Variants in SIPA1L1 observed in about 807,000 individuals in gnomAD.
SIPA1L1 encodes the protein signal-induced proliferation-associated 1-like protein 1.
Under a neutral mutation model 162.7 loss-of-function variants are expected in SIPA1L1, and 26 were observed. That is an observed-to-expected ratio of 0.16 (90% CI 0.12 to 0.22). The LOEUF (loss-of-function observed/expected upper bound fraction) is 0.22, where lower values mean the gene tolerates loss of function less well. Ranked by LOEUF, SIPA1L1 falls within the 10% of genes least tolerant of loss-of-function variation. SIPA1L1 has a pLI of 1.00. For synonymous variants in SIPA1L1, 829 were observed against 837.4 expected (o/e 0.99, Z 0.17); for missense variants, 1,874 against 2,241.0 (o/e 0.84, Z 3.31).
At chr14:71,357,599 T>A (rs566308267) in intron 2 of SIPA1L1, among the ~76,000 whole-genome samples, 49 of 152,180 alleles carry the variant, frequency 3.2e-4, no homozygotes, top group African/African-American at 1.2e-3. Flanking sequence ...TCTCACTCTG[T>A]CACCCAGGCT....
At chr14:71,483,753 C>T (rs147765657) in intron 2 of SIPA1L1, among the ~76,000 whole-genome samples, 157 of 152,312 alleles carry the variant, frequency 1.0e-3, no homozygotes, top group African/African-American at 3.5e-3. Flanking sequence ...CTCCTCACAG[C>T]TCACTGGAGA....
chr14:71,427,738 A>G (rs904625765), intron 2 of SIPA1L1, among the ~76,000 whole-genome samples: 3 of 151,780 alleles, frequency 2.0e-5, no homozygotes, highest in Non-Finnish European at 4.4e-5. Flanking sequence ...GTGCATTTCA[A>G]CTTCAAAAAT....
At chr14:71,453,889 T>G (rs181377162) in intron 2 of SIPA1L1, among the ~76,000 whole-genome samples, 278 of 147,074 alleles carry the variant, frequency 1.9e-3, no homozygotes, top group Non-Finnish European at 2.5e-3. Context: ...ATCTACTCGG[T>G]AGGCTGAGGC....
At chr14:71,325,662 G>T (rs537492836) in intron 2 of SIPA1L1, among the ~76,000 whole-genome samples, 1 of 152,318 alleles carries the variant, frequency 6.6e-6, no homozygotes, top group East Asian at 1.9e-4. Context: ...GACATGGAGG[G>T]ATGTCAGGAG....
intron 17 of SIPA1L1, among the ~76,000 whole-genome samples, chr14:71,716,356 G>C (rs1266373437): frequency 1.3e-5 from 2 of 152,164 alleles, no homozygotes; most frequent in African/African-American, 4.8e-5. Context: ...TATTAGACCA[G>C]CATTCAGCCA....
intron 2 of SIPA1L1, among the ~76,000 whole-genome samples, chr14:71,479,302 A>G (rs575727566): frequency 6.6e-5 from 10 of 151,272 alleles, no homozygotes; most frequent in Non-Finnish European, 1.3e-4. Context: ...ACCCAGGACC[A>G]GTACCCCTCT....
intron 17 of SIPA1L1, among the ~76,000 whole-genome samples, chr14:71,721,520 C>T (rs919050231): frequency 2.0e-5 from 3 of 152,206 alleles, no homozygotes; most frequent in Non-Finnish European, 4.4e-5. Context: ...CTTTTCGCTT[C>T]AGGGCAGCAG....
intron 4 of SIPA1L1, among the ~76,000 whole-genome samples, chr14:71,552,304 T>C (rs994643623): frequency 6.6e-6 from 1 of 152,226 alleles, no homozygotes; most frequent in African/African-American, 2.4e-5. Context: ...CAGAATATCA[T>C]TGATATTATC....
chr14:71,606,662 A>G (rs564243115), intron 5 of SIPA1L1, among the ~76,000 whole-genome samples: 1 of 152,076 alleles, frequency 6.6e-6, no homozygotes, highest in South Asian at 2.1e-4. Context: ...TGAGTCCACA[A>G]TGGAAATGTG....
intron 16 of SIPA1L1, 92 bp downstream of exon 16, chr14:71,705,432 C>A: frequency 1.1e-6 from 1 of 934,980 alleles, no homozygotes; most frequent in South Asian, 1.4e-5. Flanking sequence ...CTCTGCATGG[C>A]CAAAGAGGAA....
chr14:71,404,971 A>G (rs763123626), intron 2 of SIPA1L1, among the ~76,000 whole-genome samples: 4 of 152,192 alleles, frequency 2.6e-5, no homozygotes, highest in Non-Finnish European at 4.4e-5. Flanking sequence ...TTTTTAATGA[A>G]TGTACAATTT....
chr14:71,419,480 CTTTTTTTTT>C (rs779874892), intron 2 of SIPA1L1, among the ~76,000 whole-genome samples: 1,640 of 85,148 alleles, frequency 0.019, 25 homozygotes, highest in East Asian at 0.027. Flanking sequence ...GAGGATCTCT[CTTTTTTTTT>C]TTTTTTTTTT....
At chr14:71,441,630 C>T (rs2044861749) in intron 2 of SIPA1L1, among the ~76,000 whole-genome samples, 1 of 152,144 alleles carries the variant, frequency 6.6e-6, no homozygotes, top group African/African-American at 2.4e-5. Flanking sequence ...GTGCTTGGGA[C>T]ATGTAAGTAC....
intron 4 of SIPA1L1, among the ~76,000 whole-genome samples, chr14:71,549,640 T>A (rs1256196446): frequency 1.3e-5 from 2 of 152,182 alleles, no homozygotes; most frequent in African/African-American, 4.8e-5. Flanking sequence ...ATGGGCCATC[T>A]GTTGGGTCAC....
At chr14:71,568,410 G>A (rs1363065733) in intron 4 of SIPA1L1, among the ~76,000 whole-genome samples, 3 of 152,196 alleles carry the variant, frequency 2.0e-5, no homozygotes, top group Non-Finnish European at 4.4e-5. Context: ...GAAAGCATCA[G>A]TATGGTGAGG....
At chr14:71,430,144 A>G (rs1279907932) in intron 2 of SIPA1L1, among the ~76,000 whole-genome samples, 1 of 152,184 alleles carries the variant, frequency 6.6e-6, no homozygotes, top group Non-Finnish European at 1.5e-5. Context: ...GAGGGAATAC[A>G]TAATTAAATG....
chr14:71,414,431 C>G (rs1037507357), intron 2 of SIPA1L1, among the ~76,000 whole-genome samples: 1 of 152,130 alleles, frequency 6.6e-6, no homozygotes, highest in Non-Finnish European at 1.5e-5. Context: ...CTCTTTATAG[C>G]AGAATTTTGA....
chr14:71,542,588 T>TTCC (rs1158217752), intron 4 of SIPA1L1, among the ~76,000 whole-genome samples: 1 of 134,398 alleles, frequency 7.4e-6, no homozygotes, highest in African/African-American at 2.8e-5. Context: ...CTCCTTCTTC[T>TTCC]TCCTCCTCCT....
intron 2 of SIPA1L1, among the ~76,000 whole-genome samples, chr14:71,322,510 C>T (rs558241454): frequency 6.6e-6 from 1 of 152,300 alleles, no homozygotes; most frequent in South Asian, 2.1e-4. Flanking sequence ...AACAGTAGGT[C>T]TCAGCTAATT....
Sources: allele counts gnomAD v4.1 joint callset (sites outside exome capture counted in the v4.1 genomes callset), GRCh38; gene constraint gnomAD v4.1.1; transcripts MANE v1.5; gene names NCBI Gene and HGNC (gene_info 2026-07-23, HGNC 2026-07-21).